Variants in TXNDC16 observed in about 807,000 individuals in gnomAD.
TXNDC16 encodes thioredoxin domain-containing protein 16.
A neutral mutation model predicts 85.6 loss-of-function variants in TXNDC16; 74 were observed. The ratio of observed to expected loss-of-function variants is 0.86; its 90% confidence interval spans 0.72 to 1.05. The LOEUF is 1.05. TXNDC16 is among the 50% of genes least tolerant of loss of function. The probability of loss-of-function intolerance (pLI) is 0.00; values close to 1 mark genes in which losing one functional copy is unlikely to be tolerated. For missense variants in TXNDC16, 959 were observed against 947.0 expected (o/e 1.01, Z -0.17); for synonymous variants, 335 against 326.5 (o/e 1.03, Z -0.28).
intron 6 of TXNDC16, among the ~76,000 whole-genome samples, chr14:52,520,083 GA>G (rs1348933965): frequency 1.3e-5 from 2 of 152,096 alleles, no homozygotes; most frequent in African/African-American, 4.8e-5. Flanking sequence ...TTGAATGAAT[GA>G]AAGAAAAAGT....
At chr14:52,519,482 C>T (rs1234677248) in intron 6 of TXNDC16, among the ~76,000 whole-genome samples, 189 bp from the exon 7 acceptor site, 1 of 152,178 alleles carries the variant, frequency 6.6e-6, no homozygotes, top group Non-Finnish European at 1.5e-5. Flanking sequence ...TCTCTGAGAA[C>T]ATCAACCAGG....
At chr14:52,483,555 G>C (rs2036198190) in intron 12 of TXNDC16, among the ~76,000 whole-genome samples, 1 of 152,162 alleles carries the variant, frequency 6.6e-6, no homozygotes, top group Non-Finnish European at 1.5e-5. Context: ...AAGGCTGAGG[G>C]AAGGCAAATT....
chr14:52,460,809 A>C (rs1316132744), intron 16 of TXNDC16, among the ~76,000 whole-genome samples: 1 of 152,162 alleles, frequency 6.6e-6, no homozygotes, highest in African/African-American at 2.4e-5. Context: ...TTTATTCAAA[A>C]CGTGAATGAA....
chr14:52,451,756 G>A (rs2035418140), intron 18 of TXNDC16, among the ~76,000 whole-genome samples: 3 of 151,796 alleles, frequency 2.0e-5, no homozygotes, highest in African/African-American at 7.3e-5. Flanking sequence ...TGGGGAAAAA[G>A]TCTTTTCTCT....
intron 14 of TXNDC16, among the ~76,000 whole-genome samples, chr14:52,475,555 C>T (rs2036002019): frequency 6.6e-6 from 1 of 152,072 alleles, no homozygotes; most frequent in African/African-American, 2.4e-5. Flanking sequence ...GGCTTTCCTC[C>T]ACTTCCCTGA....
chr14:52,459,190 A>G (rs957053711), intron 16 of TXNDC16, among the ~76,000 whole-genome samples: 1 of 152,184 alleles, frequency 6.6e-6, no homozygotes, highest in Admixed American at 6.5e-5. Flanking sequence ...TTATTGAATA[A>G]TTATTTTTAT....
In TXNDC16 at chr14:52,519,191, T is replaced by C. The variant is rs112348399; in HGVS notation, c.495A>G (p.Val165=). ...KGKANIIFSY[V]RAIGIPEHRA... ...GAATACCTGGTATTCCAATGGCTCT[T>C]ACATATGAGAATATAATATTTGCTT... is the stretch of plus-strand genomic sequence containing the variant. Residue 165 remains valine (V), a synonymous_variant, in exon 7 of 21, where the codon GTA becomes GTG. Coordinates refer to ENST00000281741, the MANE Select transcript of TXNDC16 (RefSeq NM_020784.3). 6.7e-5 allele frequency: 108 copies of C among 1,611,256 alleles called. No individual in the cohort carries two copies. The African/African-American group carries it at 1.2e-3, about 18-fold the overall frequency.
At chr14:52,526,049 T>C (rs1594753682) in intron 6 of TXNDC16, among the ~76,000 whole-genome samples, 1 of 152,162 alleles carries the variant, frequency 6.6e-6, no homozygotes, top group African/African-American at 2.4e-5. Flanking sequence ...GATCCGCTTA[T>C]GGTTGAATCC....
In TXNDC16 at chr14:52,490,910, T is replaced by A; in HGVS notation, c.852A>T (p.Glu284Asp). The A allele has an allele frequency of 6.2e-7, 1 of 1,613,586 alleles. No homozygotes were observed. Among genetic ancestry groups the A allele is most frequent in the Non-Finnish European group, 8.5e-7 (1 of 1,179,886 alleles). Residue 284 changes from glutamate (E) to aspartate (D), a missense_variant, in exon 10 of 21, where the codon GAA becomes GAT. By Grantham distance (45) the Glu-to-Asp change is conservative. Transcript: ENST00000281741. ...VFIVSQQATY[E>D]ADRRTAEWVA... ...CCCATTCTGCAGTTCTTCTATCAGC[T>A]TCATAAGTAGCCTGTTGGCTAACAA...
chr14:52,497,936 C>T (rs12588286), intron 9 of TXNDC16, among the ~76,000 whole-genome samples: 76,570 of 149,670 alleles, frequency 0.51, 20,507 homozygotes, highest in East Asian at 0.71. Flanking sequence ...ATTAAAAGGA[C>T]CACTCATCAT....
At chr14:52,451,517 C>T in intron 18 of TXNDC16, among the ~76,000 whole-genome samples, 1 of 151,870 alleles carries the variant, frequency 6.6e-6, no homozygotes, top group African/African-American at 2.4e-5. Flanking sequence ...TATGATTTAC[C>T]CCAAGGATGC....
At chr14:52,507,158 G>C (rs1157616021) in intron 9 of TXNDC16, among the ~76,000 whole-genome samples, 2 of 152,070 alleles carry the variant, frequency 1.3e-5, no homozygotes, top group African/African-American at 4.8e-5. Flanking sequence ...TGTATATCTA[G>C]AAAACCCCAT....
intron 1 of TXNDC16, among the ~76,000 whole-genome samples, chr14:52,550,348 T>C (rs1293675735): frequency 6.6e-6 from 1 of 152,232 alleles, no homozygotes; most frequent in Non-Finnish European, 1.5e-5. Flanking sequence ...ACCTGCTCAC[T>C]GAACCAGCCT....
rs761118912 is a variant in TXNDC16, at chr14:52,490,998, A to G, written c.764T>C (p.Val255Ala). Residue 255 changes from valine (V) to alanine (A), a missense_variant, in exon 10 of 21, where the codon GTT (valine) becomes GCT (alanine). Coordinates refer to ENST00000281741, the MANE Select transcript of TXNDC16 (RefSeq NM_020784.3). ...TGAAACTTGTTGAGGATCTTCAGCA[A>G]CTTCAGTCTTCATTGAAAAAAAAAA... ...KTMKAPLLTEVAEDPQQVSTV... is the reference protein window; with the variant it reads ...KTMKAPLLTEAAEDPQQVSTV... 3 of 1,542,636 alleles carry G rather than the reference A, an allele frequency of 1.9e-6. No homozygotes were observed. In the East Asian group the frequency reaches 7.0e-5, roughly 36 times the overall value.
At chr14:52,451,558 A>G (rs192455843) in intron 18 of TXNDC16, among the ~76,000 whole-genome samples, 11 of 152,296 alleles carry the variant, frequency 7.2e-5, no homozygotes, top group Non-Finnish European at 1.6e-4. Context: ...AAATCAATCA[A>G]TGTGATACAT....
At chr14:52,546,894 C>A (rs2037951740) in intron 1 of TXNDC16, among the ~76,000 whole-genome samples, 1 of 152,168 alleles carries the variant, frequency 6.6e-6, no homozygotes, top group African/African-American at 2.4e-5. Context: ...AAGCAAGTGA[C>A]CCACATTAAT....
chr14:52,530,439 A>T (rs530123713), intron 6 of TXNDC16, among the ~76,000 whole-genome samples: 154 of 3,086 alleles, frequency 0.05, 20 homozygotes, highest in African/African-American at 0.13. Flanking sequence ...AATAATATAT[A>T]ATATATTATT....
At chr14:52,475,009 A>G (rs988392002) in intron 14 of TXNDC16, among the ~76,000 whole-genome samples, 11 of 152,206 alleles carry the variant, frequency 7.2e-5, no homozygotes, top group African/African-American at 2.7e-4. Context: ...GGAAGTGGGA[A>G]AGGCAGATCG....
chr14:52,459,152 G>A (rs930400731), intron 16 of TXNDC16, among the ~76,000 whole-genome samples: 6 of 151,992 alleles, frequency 3.9e-5, no homozygotes, highest in African/African-American at 1.2e-4. Flanking sequence ...TATTTATTTA[G>A]CAATATTATT....
Sources: gnomAD v4.1 joint callset for allele counts (sites outside exome capture counted in the v4.1 genomes callset) on GRCh38, gnomAD v4.1.1 for gene constraint, MANE v1.5 for transcripts, NCBI Gene and HGNC (gene_info 2026-07-23, HGNC 2026-07-21) for gene names.